The following SLC6A6 variants were observed in gnomAD, a reference collection of about 807,000 sequenced individuals.
The protein encoded by SLC6A6 is sodium- and chloride-dependent taurine transporter.
In SLC6A6, 16 loss-of-function variants were observed where a neutral mutation model predicts 68.8. The ratio of observed to expected loss-of-function variants is 0.23; its 90% CI spans 0.16 to 0.35. SLC6A6 has a LOEUF of 0.35. Among genes scored for constraint, SLC6A6 ranks in the 10% least tolerant of loss-of-function variants. The pLI is 1.00. For synonymous variants in SLC6A6, 312 were observed against 315.4 expected, an observed-to-expected ratio of 0.99 and a Z score of 0.12; for missense variants, 474 against 802.8, an observed-to-expected ratio of 0.59 and a Z score of 4.95.
At chr3:14,419,009 C>G (rs186009524) in intron 2 of SLC6A6, among the ~76,000 whole-genome samples, 1 of 152,312 alleles carries the variant, frequency 6.6e-6, no homozygotes, top group Non-Finnish European at 1.5e-5. Flanking sequence ...CTCCTGCTGC[C>G]GTGAGGCTGG....
intron 2 of SLC6A6, among the ~76,000 whole-genome samples, chr3:14,423,985 G>C (rs1268561544): frequency 6.6e-6 from 1 of 152,066 alleles, no homozygotes; most frequent in Admixed American, 6.6e-5. Flanking sequence ...TGGGGAGAAG[G>C]GTCGTCCCAG....
intron 1 of SLC6A6, among the ~76,000 whole-genome samples, chr3:14,409,324 G>T (rs1333900663): frequency 6.6e-6 from 1 of 152,332 alleles, no homozygotes; most frequent in South Asian, 2.1e-4. Flanking sequence ...CCCCCACCCA[G>T]GACTTGCCCC....
chr3:14,437,700 T>C lies in SLC6A6; in HGVS notation c.-11-5924T>C, dbSNP rs549917365. 1.4e-4 allele frequency among the ~76,000 whole-genome samples: 22 copies of C among 152,238 alleles called. 1 individual carries two copies. Among genetic ancestry groups the C allele is most frequent in the Admixed American group, 5.9e-4 (9 of 15,290 alleles). The stretch of plus-strand genomic sequence containing the variant: ...AATCAGCATGACACCATGACATACA[T>C]AATAGATCTATCAAACTTACTCCTC... On this transcript the variant is annotated intron_variant, in intron 2 of 14. Coordinates refer to ENST00000622186, the MANE Select transcript of SLC6A6 (RefSeq NM_003043.6).
chr3:14,469,188 T>C (rs1442775007), intron 9 of SLC6A6, among the ~76,000 whole-genome samples: 1 of 151,984 alleles, frequency 6.6e-6, no homozygotes, highest in African/African-American at 2.4e-5. Context: ...GGTCATCAGT[T>C]GGTTTTGTTA....
At chr3:14,478,603 C>G (rs1016681184) in intron 12 of SLC6A6, 35 bp downstream of exon 12, 24 of 1,310,316 alleles carry the variant, frequency 1.8e-5, no homozygotes, top group Non-Finnish European at 2.7e-5. Flanking sequence ...TTTCTCAAGG[C>G]TCTCCTTTGG....
rs188182625 is a variant in SLC6A6 at position 14,467,821 on chromosome 3, C to T, written c.868-32C>T. On this transcript the variant is annotated intron_variant, in intron 7 of 14. Transcript: ENST00000622186. ...GGAAGCCAGCTCTGACAGCCCTCCT[C>T]TCTTTCCTTGCCACCTCCCTCCCCC... The T allele has an allele frequency of 6.4e-4, 925 of 1,442,358 alleles. 1 individual carries two copies. Among genetic ancestry groups the T allele is most frequent in the Admixed American group, 2.8e-3 (153 of 54,718 alleles). The allele number at this position is 1,442,358 out of a possible 1,614,324, so 89.3% of individuals were successfully genotyped here.
At chr3:14,479,024 C>T (rs533077253) in intron 12 of SLC6A6, 61 bp from the exon 13 acceptor site, 1 of 1,052,906 alleles carries the variant, frequency 9.5e-7, no homozygotes, top group Non-Finnish European at 1.5e-6. Context: ...CACTCATGGC[C>T]CCTGAGCTGC....
intron 1 of SLC6A6, among the ~76,000 whole-genome samples, chr3:14,410,567 G>GA (rs751512311): frequency 4.4e-4 from 67 of 152,194 alleles, no homozygotes; most frequent in Non-Finnish European, 6.5e-4. Context: ...CAGGAGAAGG[G>GA]TTGGGCTGGC....
chr3:14,461,459 C>A (rs1301384527), intron 6 of SLC6A6, among the ~76,000 whole-genome samples: 1 of 152,228 alleles, frequency 6.6e-6, no homozygotes, highest in Non-Finnish European at 1.5e-5. Flanking sequence ...GGGCGTGTGG[C>A]AGGCATGTCC....
At chr3:14,406,203 G>A (rs1052112866) in intron 1 of SLC6A6, among the ~76,000 whole-genome samples, 1 of 152,184 alleles carries the variant, frequency 6.6e-6, no homozygotes, top group African/African-American at 2.4e-5. Context: ...AATAGAGACA[G>A]GGTCTTACTA....
At chr3:14,451,984 C>T (rs914956846) in intron 5 of SLC6A6, among the ~76,000 whole-genome samples, 1 of 152,170 alleles carries the variant, frequency 6.6e-6, no homozygotes, top group East Asian at 1.9e-4. Context: ...GTCCCTGGCC[C>T]GTCCTTTCCT....
chr3:14,430,942 A>G (rs1282278747), intron 2 of SLC6A6, among the ~76,000 whole-genome samples: 3 of 152,090 alleles, frequency 2.0e-5, no homozygotes, highest in Non-Finnish European at 4.4e-5. Context: ...ATGGGCTTGG[A>G]TGTGGACGTG....
rs1166503872 is a variant in SLC6A6 at position 14,468,488 on chromosome 3, GC to G, written c.1096+283del. Among the ~76,000 whole-genome samples, 4 of 151,392 alleles carry G rather than the reference GC, an allele frequency of 2.6e-5. No homozygotes were observed. Among genetic ancestry groups the G allele is most frequent in the South Asian group, 4.2e-4 (2 of 4,766 alleles). ...TAGCTACCTTAGTGTGGTCTTCCCC[GC>G]CCCCCCGTCCTTCCCCAGCAAACTC... On this transcript the variant is annotated intron_variant, in intron 9 of 14. Coordinates refer to ENST00000622186, the MANE Select transcript of SLC6A6 (RefSeq NM_003043.6). The surrounding 1 kb of genome is among the most constrained non-coding windows in gnomAD (Gnocchi z 4.5).
At chr3:14,434,451 G>A (rs1483093852) in intron 2 of SLC6A6, among the ~76,000 whole-genome samples, 1 of 152,210 alleles carries the variant, frequency 6.6e-6, no homozygotes, top group African/African-American at 2.4e-5. Context: ...CCTTCTGCAG[G>A]TCAGCTTGGT....
intron 1 of SLC6A6, among the ~76,000 whole-genome samples, chr3:14,412,173 G>A (rs1198068583): frequency 6.6e-6 from 1 of 152,182 alleles, no homozygotes; most frequent in African/African-American, 2.4e-5. Flanking sequence ...ACTCCTTTAA[G>A]GATGCAGTCA....
rs752635304 is a variant in SLC6A6, at chr3:14,445,728, A to G, written c.241A>G (p.Ile81Val). Residue 81 changes from isoleucine to valine, a missense_variant, in exon 4 of 15, where the codon ATA (isoleucine) becomes GTA (valine). Transcript: ENST00000622186. ...TCTGCTCTCTGCAGGTGCGTTTCTC[A>G]TACCGTATTTTATTTTCCTGTTTGG... ...CYKNGGGAFL[I>V]PYFIFLFGSG... 3 of 1,614,018 alleles carry G rather than the reference A, an allele frequency of 1.9e-6. No individual in the cohort carries two copies. The highest frequency in any genetic ancestry group is 2.7e-5 in the African/African-American group (2 of 74,908).
Position 14,405,997 on chromosome 3 carries a change from T to TGTC in SLC6A6, c.-54+3152_-54+3154dup, listed in dbSNP as rs555916639. ...CACTTTCGCTTCCTAGAGGACACAG[T>TGTC]GTCGGAGTTGCCATTGTCTGTGGGT... On this transcript the variant is annotated intron_variant, in intron 1 of 14. Coordinates refer to ENST00000622186, the MANE Select transcript of SLC6A6 (RefSeq NM_003043.6). Among the ~76,000 whole-genome samples the TGTC allele has an allele frequency of 2.8e-4, 42 of 152,108 alleles. 1 individual carries two copies. In the South Asian group the frequency reaches 8.5e-3, roughly 31 times the overall value.
At chr3:14,433,854 C>T (rs984206492) in intron 2 of SLC6A6, among the ~76,000 whole-genome samples, 1 of 150,488 alleles carries the variant, frequency 6.6e-6, no homozygotes, top group Non-Finnish European at 1.5e-5. Context: ...AGGGAAAAAC[C>T]CAACATGGGC....
intron 6 of SLC6A6, among the ~76,000 whole-genome samples, chr3:14,460,440 G>T (rs961908349): frequency 6.6e-6 from 1 of 152,070 alleles, no homozygotes; most frequent in Non-Finnish European, 1.5e-5. Context: ...TCTAGGCAAA[G>T]ATGTGAAGGA....
Sources: gnomAD v4.1 joint callset for allele counts (sites outside exome capture counted in the v4.1 genomes callset) on GRCh38, gnomAD v4.1.1 for gene constraint, Gnocchi (gnomAD v3.1) non-coding constraint, MANE v1.5 for transcripts, NCBI Gene and HGNC (gene_info 2026-07-23, HGNC 2026-07-21) for gene names.